Variants in DACH2 observed in about 807,000 individuals in gnomAD.
DACH2 encodes dachshund family transcription factor 2, also known as dachshund homolog 2.
Under a neutral mutation model 35.8 loss-of-function variants are expected in DACH2, and 17 were observed. That is an observed-to-expected ratio of 0.48 (90% CI 0.33 to 0.71). The LOEUF is 0.71. Among genes scored for constraint, DACH2 ranks in the 30% least tolerant of loss-of-function variants. DACH2 has a pLI of 0.02. For missense variants in DACH2, 469 were observed against 472.7 expected (o/e 0.99, Z 0.07); for synonymous variants, 195 against 177.3 (o/e 1.10, Z -0.79).
intron 1 of DACH2, among the ~76,000 whole-genome samples, chrX:86,245,249 A>C (rs2033254031): frequency 9.0e-6 from 1 of 111,610 alleles, no homozygotes; most frequent in African/African-American, 3.3e-5. Flanking sequence ...GGACATGTCC[A>C]TGCACAGGCA....
At chrX:86,216,911 G>A (rs12832092) in intron 1 of DACH2, among the ~76,000 whole-genome samples, 3 of 110,328 alleles carry the variant, frequency 2.7e-5, no homozygotes, top group East Asian at 2.9e-4. Flanking sequence ...CCTGGCCAAC[G>A]TAGCGAAACC....
At chrX:86,487,183 C>T (rs1783480796) in intron 2 of DACH2, among the ~76,000 whole-genome samples, 1 of 111,341 alleles carries the variant, frequency 9.0e-6, no homozygotes, top group Non-Finnish European at 1.9e-5. Context: ...CTTAGGTTGC[C>T]CCAACTTTCA....
chrX:86,774,163 T>C (rs1312266964), intron 7 of DACH2, among the ~76,000 whole-genome samples: 1 of 112,147 alleles, frequency 8.9e-6, no homozygotes, highest in Non-Finnish European at 1.9e-5. Context: ...AACTCAAGTT[T>C]AGAAAAGCTG....
chrX:86,532,619 C>A (rs190336713), intron 3 of DACH2, among the ~76,000 whole-genome samples: 1 of 111,093 alleles, frequency 9.0e-6, no homozygotes, highest in Admixed American at 9.6e-5. Context: ...AATTAAACCC[C>A]TTTTCTTTAA....
At chrX:86,539,544 G>T (rs917128858) in intron 3 of DACH2, among the ~76,000 whole-genome samples, 1 of 111,231 alleles carries the variant, frequency 9.0e-6, no homozygotes, top group African/African-American at 3.3e-5. Context: ...TGTTTATTTT[G>T]TTGTTGCTCA....
chrX:86,813,505 G>A (rs1317439546), intron 9 of DACH2, among the ~76,000 whole-genome samples: 2 of 106,730 alleles, frequency 1.9e-5, no homozygotes, highest in Non-Finnish European at 3.8e-5. Context: ...GCAACTACTC[G>A]GGAGGCTGAG....
intron 2 of DACH2, among the ~76,000 whole-genome samples, chrX:86,403,487 A>G (rs1202173959): frequency 3.6e-5 from 4 of 112,223 alleles, no homozygotes; most frequent in Admixed American, 1.9e-4. Context: ...ATTTCACATC[A>G]GTCAGAATGG....
chrX:86,616,721 T>G (rs1024206230), intron 3 of DACH2, among the ~76,000 whole-genome samples: 1 of 112,248 alleles, frequency 8.9e-6, no homozygotes, highest in Non-Finnish European at 1.9e-5. Context: ...GATGCCTGTT[T>G]ACTCTGTTGG....
chrX:86,289,208 A>G (rs367923817), intron 1 of DACH2, among the ~76,000 whole-genome samples: 1 of 107,518 alleles, frequency 9.3e-6, no homozygotes, highest in East Asian at 3.0e-4. Context: ...AGGGTGCCTC[A>G]TGACTGACCA....
At chrX:86,507,472 A>T (rs1379060077) in intron 2 of DACH2, among the ~76,000 whole-genome samples, 1 of 108,799 alleles carries the variant, frequency 9.2e-6, no homozygotes. Flanking sequence ...TCAAAAAAAA[A>T]AAAAAAAAAA....
chrX:86,654,187 TAAAA>T (rs764775335), intron 4 of DACH2, among the ~76,000 whole-genome samples: 6,641 of 40,289 alleles, frequency 0.16, 390 homozygotes, highest in East Asian at 0.33. Context: ...ACATTTTTAG[TAAAA>T]AAAAAAAAAA....
Position 86,575,257 on chromosome X carries a change from A to G in DACH2, c.640+60866A>G, listed in dbSNP as rs145541597. ...ACTTGAGAGCAATCTTTTCTTTACAAATTTTAATGACCAAAAAATCGATCT... is the reference window on the plus strand; with the variant it reads ...ACTTGAGAGCAATCTTTTCTTTACAGATTTTAATGACCAAAAAATCGATCT... On this transcript the variant is annotated intron_variant, in intron 3 of 11. Coordinates refer to ENST00000373125, the MANE Select transcript of DACH2 (RefSeq NM_053281.3). Among the ~76,000 whole-genome samples, 45 of 111,257 alleles carry G rather than the reference A, an allele frequency of 4.0e-4. No individual in the cohort carries two copies. The East Asian group carries it at 0.011, about 28-fold the overall frequency.
At chrX:86,649,892 G>A (rs1023242003) in intron 3 of DACH2, among the ~76,000 whole-genome samples, 5 of 110,620 alleles carry the variant, frequency 4.5e-5, no homozygotes, top group Non-Finnish European at 9.5e-5. Flanking sequence ...CTTGAATCAC[G>A]TTTTTATGGT....
At position 86,271,659 on chromosome X, in the gene DACH2, G is replaced by A. The variant is rs371305557; in HGVS notation, c.489-105165G>A. ...CCAAAATGTACATTTTGATTTGGGT[G>A]TAATAAAATCATTTTTAAATTTTCC... On this transcript the variant is annotated intron_variant, in intron 1 of 11. Transcript: ENST00000373125. 1.5e-4 allele frequency among the ~76,000 whole-genome samples: 17 copies of A among 111,413 alleles called. No homozygotes were observed. In the East Asian group the frequency reaches 4.2e-3, roughly 28 times the overall value.
chrX:86,422,303 A>G (rs1252536250), intron 2 of DACH2, among the ~76,000 whole-genome samples: 1 of 110,698 alleles, frequency 9.0e-6, no homozygotes, highest in Non-Finnish European at 1.9e-5. Flanking sequence ...GTTTCAAAAG[A>G]CTATTTTGTC....
rs1602433981 is a variant in DACH2, at chrX:86,354,765, C to A, written c.489-22059C>A. On this transcript the variant is annotated intron_variant, in intron 1 of 11. Transcript: ENST00000373125. ...AGCGCACCAGCATGGCACATGTATA[C>A]ATATGTAACTAACCTGCACAATGTG... Among the ~76,000 whole-genome samples the A allele has an allele frequency of 5.6e-5, 2 of 35,783 alleles. 1 individual carries two copies. The highest frequency in any genetic ancestry group is 9.5e-4 in the Admixed American group (2 of 2,113). 31.1% of individuals were successfully genotyped at this position (35,783 alleles called of 115,157 possible). A position where few individuals can be genotyped will look rare whatever the true frequency, so the allele number is the denominator to read the frequency against.
intron 1 of DACH2, among the ~76,000 whole-genome samples, chrX:86,333,146 A>G (rs1334868577): frequency 2.7e-5 from 3 of 111,840 alleles, no homozygotes; most frequent in Non-Finnish European, 5.7e-5. Flanking sequence ...GACTTTTTAT[A>G]TTTTCTATTG....
chrX:86,684,784 T>G (rs1294338958), intron 4 of DACH2, among the ~76,000 whole-genome samples: 1 of 110,956 alleles, frequency 9.0e-6, no homozygotes, highest in Admixed American at 9.7e-5. Flanking sequence ...TTTTTTGTAA[T>G]TCAAGGCAGT....
At chrX:86,293,475 G>T (rs1203092492) in intron 1 of DACH2, among the ~76,000 whole-genome samples, 1 of 106,715 alleles carries the variant, frequency 9.4e-6, no homozygotes, top group East Asian at 3.0e-4. Flanking sequence ...TATGATGTTA[G>T]CTGGTTATTT....
Sources: gnomAD v4.1 joint callset for allele counts (sites outside exome capture counted in the v4.1 genomes callset) on GRCh38, gnomAD v4.1.1 for gene constraint, MANE v1.5 for transcripts, NCBI Gene and HGNC (gene_info 2026-07-23, HGNC 2026-07-21) for gene names.